The following SMARCD1 variants were observed in gnomAD, a reference collection of about 807,000 sequenced individuals.
SMARCD1 encodes the protein SWI/SNF-related matrix-associated actin-dependent regulator of chromatin subfamily D member 1.
In SMARCD1, 16 loss-of-function variants were observed where a neutral mutation model predicts 70.8. The observed-to-expected ratio is 0.23, with a 90% CI of 0.15 to 0.34. The LOEUF (loss-of-function observed/expected upper bound fraction) is 0.34. Among genes scored for constraint, SMARCD1 ranks in the 10% least tolerant of loss-of-function variants. The pLI is 1.00. For synonymous variants in SMARCD1, 249 were observed against 246.0 expected, an observed-to-expected ratio of 1.01 and a Z score of -0.11; for missense variants, 409 against 655.5, an observed-to-expected ratio of 0.62 and a Z score of 4.11.
intron 9 of SMARCD1, among the ~76,000 whole-genome samples, chr12:50,091,067 C>T (rs1031111000): frequency 4.0e-5 from 6 of 151,640 alleles, no homozygotes; most frequent in Non-Finnish European, 8.8e-5. Flanking sequence ...GTGATCTGCC[C>T]GCCGAGCCTC....
At chr12:50,091,070 C>T (rs1309725404) in intron 9 of SMARCD1, among the ~76,000 whole-genome samples, 2 of 151,682 alleles carry the variant, frequency 1.3e-5, no homozygotes, top group African/African-American at 4.8e-5. Context: ...ATCTGCCCGC[C>T]GAGCCTCGTG....
intron 9 of SMARCD1, among the ~76,000 whole-genome samples, chr12:50,091,475 A>G (rs1272354830): frequency 1.3e-5 from 2 of 151,190 alleles, no homozygotes; most frequent in East Asian, 3.9e-4. Context: ...AGGTTTCTCC[A>G]TGTTGGTCAG....
At chr12:50,087,019 A>G in intron 4 of SMARCD1, 141 bp downstream of exon 4, 1 of 859,964 alleles carries the variant, frequency 1.2e-6, no homozygotes, top group Non-Finnish European at 1.8e-6. Context: ...ACAAACTGAG[A>G]ATTACATTAG....
intron 10 of SMARCD1, among the ~76,000 whole-genome samples, chr12:50,096,123 G>A (rs1479306182): frequency 1.3e-5 from 2 of 152,200 alleles, no homozygotes; most frequent in African/African-American, 4.8e-5. Flanking sequence ...CCGACAGTGA[G>A]GGTGGAGATA....
rs143955263 is a variant in SMARCD1, at chr12:50,086,479, T to TTGGTGGTGGTGGTGG, written c.366-134_366-120dup. 1,021 of 775,782 alleles carry TTGGTGGTGGTGGTGG rather than the reference T, an allele frequency of 1.3e-3. 9 individuals carry two copies. Among genetic ancestry groups the TTGGTGGTGGTGGTGG allele is most frequent in the East Asian group, 2.1e-3 (73 of 35,382 alleles). The allele number at this position is 775,782 out of a possible 1,614,324, so 48.1% of individuals were successfully genotyped here. On this transcript the variant is annotated intron_variant, in intron 2 of 12. Coordinates refer to ENST00000394963, the MANE Select transcript of SMARCD1 (RefSeq NM_003076.5). ...CTACAGAACTCATCCTTGAGAATGC[T>TTGGTGGTGGTGGTGG]TGGTGGTGGTGGTGGTGGTGGTAGT...
At chr12:50,096,730 A>C in intron 10 of SMARCD1, 120 bp from the exon 11 acceptor site, 1 of 840,422 alleles carries the variant, frequency 1.2e-6, no homozygotes, top group Non-Finnish European at 1.9e-6. Context: ...TGATGGTGCC[A>C]GCTGTGGGCA....
chr12:50,094,586 C>T lies in SMARCD1; in HGVS notation c.1269+14C>T. On this transcript the variant is annotated intron_variant, in intron 10 of 12. Transcript: ENST00000394963. Reference sequence around the variant, plus strand: ...CTAGACAACAAGGTAGGGGTCTGTGCCCTGGATAGTTGGGTACCACCAGCC... The same window carrying T: ...CTAGACAACAAGGTAGGGGTCTGTGTCCTGGATAGTTGGGTACCACCAGCC... The T allele has an allele frequency of 6.2e-7, 1 of 1,612,282 alleles. No individual in the cohort carries two copies. Among genetic ancestry groups the T allele is most frequent in the African/African-American group, 1.3e-5 (1 of 74,910 alleles).
chr12:50,090,418 A>G lies in SMARCD1; in HGVS notation c.1035+16A>G, dbSNP rs371644851. ...CCTGCAGCAGGTAAGTAATGGACCC[A>G]TTCTTTTGCTAGAATCCATTAGAAC... On this transcript the variant is annotated intron_variant, in intron 8 of 12. Transcript: ENST00000394963. 2.5e-6 allele frequency: 4 copies of G among 1,613,608 alleles called. No individual in the cohort carries two copies. In the African/African-American group the frequency reaches 5.3e-5, roughly 22 times the overall value.
intron 9 of SMARCD1, among the ~76,000 whole-genome samples, chr12:50,092,167 T>G (rs904373917): frequency 1.3e-5 from 2 of 152,094 alleles, no homozygotes; most frequent in African/African-American, 2.4e-5. Flanking sequence ...ATATAGTCTC[T>G]TTGTCTTCCT....
At chr12:50,094,103 T>A (rs1026810835) in intron 9 of SMARCD1, among the ~76,000 whole-genome samples, 3 of 152,340 alleles carry the variant, frequency 2.0e-5, no homozygotes, top group African/African-American at 7.2e-5. Flanking sequence ...GTAGCAGTGA[T>A]TTCCTCTGGA....
chr12:50,094,534 A>G lies in SMARCD1; in HGVS notation c.1231A>G (p.Thr411Ala). The G allele has an allele frequency of 6.2e-7, 1 of 1,614,116 alleles. No individual in the cohort carries two copies. The highest frequency in any genetic ancestry group is 2.2e-5 in the East Asian group (1 of 44,880). ...KTQMNSFLLS[T>A]ASQQEIATLD... ...CCAGATGAATTCTTTTCTGCTGTCCACTGCCAGCCAACAGGAGATTGCTAC... is the reference window on the plus strand; with the variant it reads ...CCAGATGAATTCTTTTCTGCTGTCCGCTGCCAGCCAACAGGAGATTGCTAC... Residue 411 changes from threonine to alanine, a missense_variant, in exon 10 of 13, where the codon ACT becomes GCT. Coordinates refer to ENST00000394963, the MANE Select transcript of SMARCD1 (RefSeq NM_003076.5).
chr12:50,089,974 C>T lies in SMARCD1; in HGVS notation c.862C>T (p.Leu288=). Residue 288 remains leucine, a synonymous_variant, in exon 7 of 13, where the codon CTG becomes TTG. Coordinates refer to ENST00000394963, the MANE Select transcript of SMARCD1 (RefSeq NM_003076.5). ...TGTACGGTGTACTGTCCTACTGATG[C>T]TGGATTACCAGGTATTCTGTGGTGG... ...VNVRCTVLLM[L]DYQPPQFKLD... is the part of the protein sequence containing the mutation. The T allele has an allele frequency of 6.2e-7, 1 of 1,613,346 alleles. No homozygotes were observed. The highest frequency in any genetic ancestry group is 8.5e-7 in the Non-Finnish European group (1 of 1,179,274).
intron 11 of SMARCD1, among the ~76,000 whole-genome samples, chr12:50,097,840 G>A (rs191031912): frequency 1.3e-4 from 18 of 143,796 alleles, no homozygotes; most frequent in South Asian, 1.1e-3. Flanking sequence ...GCAGTGAGCC[G>A]AGATTGCGCC....
In SMARCD1 at chr12:50,100,230, A is replaced by T. The variant is rs1950927917; in HGVS notation, c.*1230A>T. 6.5e-6 allele frequency: 1 copy of T among 152,694 alleles called. No individual in the cohort carries two copies. Among genetic ancestry groups the T allele is most frequent in the South Asian group, 2.1e-4 (1 of 4,824 alleles). The allele number at this position is 152,694 out of a possible 1,614,324, so 9.5% of individuals were successfully genotyped here. On this transcript the variant is annotated 3_prime_UTR_variant, in exon 13 of 13. Transcript: ENST00000394963. ...AGCATATCCCAGGCTCGCAGACTCAACACAGCAAGGGTGGGAGACAGCTGG... is the reference window on the plus strand; with the variant it reads ...AGCATATCCCAGGCTCGCAGACTCATCACAGCAAGGGTGGGAGACAGCTGG...
At chr12:50,088,110 T>C in intron 5 of SMARCD1, 1 of 596,812 alleles carries the variant, frequency 1.7e-6, no homozygotes, top group Non-Finnish European at 3.0e-6. Context: ...TCCTTCTCTA[T>C]ATAGGTCCGG....
chr12:50,096,681 T>C (rs1950895852), intron 10 of SMARCD1, 169 bp from the exon 11 acceptor site: 3 of 583,990 alleles, frequency 5.1e-6, no homozygotes, highest in Non-Finnish European at 9.0e-6. Flanking sequence ...AATTACTTGC[T>C]GAAAGAATGC....
rs771405936 is a variant in SMARCD1 at position 50,090,261 on chromosome 12, C to G, written c.894C>G (p.Asp298Glu). The G allele has an allele frequency of 3.7e-6, 6 of 1,613,276 alleles. No individual in the cohort carries two copies. Among genetic ancestry groups the G allele is most frequent in the South Asian group, 1.1e-5 (1 of 90,904 alleles). Residue 298 changes from aspartate (D) to glutamate (E), a missense_variant, in exon 8 of 13, where the codon GAC becomes GAG. Physicochemically the swap from Asp to Glu is conservative, Grantham distance 45. Around this residue, in one of 2 missense-constraint regions of SMARCD1, gnomAD observed 269 missense variants for 498.6 expected, o/e 0.54. Coordinates refer to ENST00000394963, the MANE Select transcript of SMARCD1 (RefSeq NM_003076.5). Reference protein sequence around the residue: ...LDYQPPQFKLDPRLARLLGIH... With the variant: ...LDYQPPQFKLEPRLARLLGIH... ...TGCAGCCTCCCCAGTTTAAATTAGA[C>G]CCCCGCCTAGCTCGACTCCTGGGCA...
At chr12:50,098,890 T>C in intron 12 of SMARCD1, 57 bp from the exon 13 acceptor site, 1 of 1,602,642 alleles carries the variant, frequency 6.2e-7, no homozygotes, top group Non-Finnish European at 8.6e-7. Flanking sequence ...TCAGTGGTGT[T>C]AGATACCAAC....
intron 9 of SMARCD1, among the ~76,000 whole-genome samples, chr12:50,091,239 T>C (rs1417963383): frequency 1.3e-5 from 2 of 152,118 alleles, no homozygotes; most frequent in African/African-American, 4.8e-5. Context: ...TCTCTTCCCA[T>C]GAACAGTAAT....
Sources: allele counts gnomAD v4.1 joint callset (sites outside exome capture counted in the v4.1 genomes callset), GRCh38; gene constraint gnomAD v4.1.1; regional missense constraint gnomAD v4.1.1; transcripts MANE v1.5; gene names NCBI Gene and HGNC (gene_info 2026-07-23, HGNC 2026-07-21).